ABCA4: variants seen among roughly 807,000 people sequenced by gnomAD.
The protein encoded by ABCA4 is retinal-specific phospholipid-transporting ATPase ABCA4.
In ABCA4, 196 loss-of-function variants were observed where a neutral mutation model predicts 263.7. The ratio of observed to expected loss-of-function variants is 0.74; its 90% confidence interval spans 0.66 to 0.84. The LOEUF is 0.84. Among genes scored for constraint, ABCA4 ranks in the 40% least tolerant of loss-of-function variants. The probability of loss-of-function intolerance (pLI) is 0.00; values close to 1 mark genes in which losing one functional copy is unlikely to be tolerated. For synonymous variants in ABCA4, 1,133 were observed against 1,094.2 expected (o/e 1.04, Z -0.70); for missense variants, 2,792 against 2,855.1 (o/e 0.98, Z 0.50).
intron 1 of ABCA4, among the ~76,000 whole-genome samples, chr1:94,117,276 C>T (rs1318181577): frequency 6.6e-6 from 1 of 152,132 alleles, no homozygotes. Context: ...TCCTTCTGCA[C>T]TGAGAACCAG....
At chr1:94,085,179 C>T (rs1661798370) in intron 6 of ABCA4, among the ~76,000 whole-genome samples, 1 of 152,008 alleles carries the variant, frequency 6.6e-6, no homozygotes, top group African/African-American at 2.4e-5. Flanking sequence ...GTTAGAGATA[C>T]AGAGGGAAGT....
At position 94,008,779 on chromosome 1, in the gene ABCA4, T is replaced by C. The variant is rs1030110768; in HGVS notation, c.5807A>G (p.Asp1936Gly). ...QRIITGGNKT[D>G]ILRLHELTKI... ...GGTTAGTTCATGTAGCCTTAAGATG[T>C]CAGTTTTATTTCCACCAGTAATAAT... Residue 1936 changes from aspartate to glycine, a missense_variant, in exon 41 of 50, where the codon GAC (aspartate) becomes GGC (glycine). By Grantham distance (94) the Asp-to-Gly change is moderately conservative. Coordinates refer to ENST00000370225, the MANE Select transcript of ABCA4 (RefSeq NM_000350.3). 3 of 1,613,922 alleles carry C rather than the reference T, an allele frequency of 1.9e-6. No homozygotes were observed. Among genetic ancestry groups the C allele is most frequent in the African/African-American group, 1.3e-5 (1 of 74,864 alleles).
At chr1:94,033,157 T>C (rs1047316581) in intron 26 of ABCA4, among the ~76,000 whole-genome samples, 7 of 152,158 alleles carry the variant, frequency 4.6e-5, no homozygotes, top group African/African-American at 1.7e-4. Context: ...TGGTGGCTCA[T>C]GCCTGTAATC....
intron 11 of ABCA4, among the ~76,000 whole-genome samples, chr1:94,072,669 T>C (rs1208122371): frequency 6.6e-6 from 1 of 152,222 alleles, no homozygotes; most frequent in Non-Finnish European, 1.5e-5. Context: ...TTTGCCTGTA[T>C]GAGGACCCAT....
chr1:94,080,330 TG>T, intron 8 of ABCA4, 147 bp downstream of exon 8: 2 of 1,111,074 alleles, frequency 1.8e-6, no homozygotes, highest in Non-Finnish European at 2.7e-6. Context: ...CAAGGGGAAG[TG>T]GACTTTCTGG....
At chr1:94,108,907 G>A (rs1195771254) in intron 3 of ABCA4, among the ~76,000 whole-genome samples, 191 bp from the exon 4 acceptor site, 1 of 151,952 alleles carries the variant, frequency 6.6e-6, no homozygotes, top group Non-Finnish European at 1.5e-5. Flanking sequence ...CGAGTAGCTG[G>A]GACTACAGGC....
chr1:93,997,862 T>C lies in ABCA4; in HGVS notation c.6728A>G (p.Gln2243Arg). ...CTCGGTGCCCCAGGGCCAACTTGCCTGGTCCAGTGTGGTCTGTGTGACTGA... is the reference window on the plus strand; with the variant it reads ...CTCGGTGCCCCAGGGCCAACTTGCCCGGTCCAGTGTGGTCTGTGTGACTGA... ...EYSVTQTTLD[Q>R]VFVNFAKQQT... The change falls in exon 48 of 50, where the codon CAG (glutamine) becomes CGG (arginine). Residue 2243 changes from glutamine to arginine, a missense_variant and splice_region_variant. Gln to Arg is a conservative substitution (Grantham distance 43). Transcript: ENST00000370225. 1.2e-6 allele frequency: 2 copies of C among 1,614,094 alleles called. No individual in the cohort carries two copies. Among genetic ancestry groups the C allele is most frequent in the Non-Finnish European group, 1.7e-6 (2 of 1,179,998 alleles).
In ABCA4 at chr1:94,083,413, T is replaced by A; in HGVS notation, c.797A>T (p.Gln266Leu). The change falls in exon 7 of 50, where the codon CAA becomes CTA. Residue 266 changes from glutamine to leucine, a missense_variant. Coordinates refer to ENST00000370225, the MANE Select transcript of ABCA4 (RefSeq NM_000350.3). ...TCCCCAAGATCTCAGATTGATACCTTGAGAACGGCTGTCTAGGAGTGTGGG... is the reference window on the plus strand; with the variant it reads ...TCCCCAAGATCTCAGATTGATACCTAGAGAACGGCTGTCTAGGAGTGTGGG... ...VLPTLLDSRS[Q>L]GINLRSWGGI... The A allele has an allele frequency of 6.2e-7, 1 of 1,613,812 alleles. No homozygotes were observed. The highest frequency in any genetic ancestry group is 8.5e-7 in the Non-Finnish European group (1 of 1,179,868).
At chr1:94,052,469 A>G (rs1660864915) in intron 16 of ABCA4, among the ~76,000 whole-genome samples, 1 of 152,116 alleles carries the variant, frequency 6.6e-6, no homozygotes, top group East Asian at 1.9e-4. Flanking sequence ...CTGGATCTTT[A>G]TCTCCACCGC....
intron 9 of ABCA4, among the ~76,000 whole-genome samples, 158 bp downstream of exon 9, chr1:94,079,164 G>A (rs1260129818): frequency 6.6e-6 from 1 of 152,156 alleles, no homozygotes; most frequent in Non-Finnish European, 1.5e-5. Context: ...GCATTCCAGT[G>A]ATGACTGTGG....
intron 34 of ABCA4, 45 bp from the exon 35 acceptor site, chr1:94,021,454 T>G: frequency 6.2e-7 from 1 of 1,612,860 alleles, no homozygotes; most frequent in Non-Finnish European, 8.5e-7. Flanking sequence ...TAACAGCTAG[T>G]TAAAGCAGAA....
In ABCA4 at chr1:94,047,077, A is replaced by G. The variant is rs777920063; in HGVS notation, c.2760T>C (p.Arg920=). The change falls in exon 19 of 50, where the codon CGT becomes CGC. Residue 920 remains arginine, a synonymous_variant. Transcript: ENST00000370225. ...CCCCAGGAACCCACCCTGGATGCTC[A>G]CGTTCAAAGAAGGAGTCTTGGAGGA... ...PEGIHDSFFE[R]EHPGWVPGVC... is the part of the protein sequence containing the mutation. 4.3e-6 allele frequency: 7 copies of G among 1,614,064 alleles called. No individual in the cohort carries two copies.
chr1:93,998,223 G>T, intron 47 of ABCA4, 113 bp from the exon 48 acceptor site: 2 of 1,431,338 alleles, frequency 1.4e-6, no homozygotes, highest in Non-Finnish European at 1.9e-6. Flanking sequence ...CAGCTTGGTG[G>T]CTCACACCTG....
rs369105023 is a variant in ABCA4, at chr1:94,108,600, C to G, written c.419G>C (p.Arg140Pro). 6.2e-7 allele frequency: 1 copy of G among 1,613,602 alleles called. No homozygotes were observed. Among genetic ancestry groups the G allele is most frequent in the Non-Finnish European group, 8.5e-7 (1 of 1,179,982 alleles). ...HILSQFMDTL[R>P]THPERIAGRG... is the part of the protein sequence containing the mutation. ...ACCTGCAATTCTCTCCGGGTGAGTC[C>G]GGAGGGTGTCCATGAATTGGGACAA... The change falls in exon 4 of 50, where the codon CGG becomes CCG. Residue 140 changes from arginine (R) to proline (P), a missense_variant. Arg to Pro is a moderately radical substitution (Grantham distance 103, BLOSUM62 -2). Transcript: ENST00000370225.
intron 11 of ABCA4, among the ~76,000 whole-genome samples, chr1:94,072,332 C>G (rs1476271260): frequency 6.6e-6 from 1 of 152,192 alleles, no homozygotes; most frequent in Non-Finnish European, 1.5e-5. Flanking sequence ...ATGCCTTGAT[C>G]AGAGGTATTT....
intron 6 of ABCA4, among the ~76,000 whole-genome samples, chr1:94,094,609 G>A (rs1256742831): frequency 6.6e-6 from 1 of 152,170 alleles, no homozygotes; most frequent in Non-Finnish European, 1.5e-5. Flanking sequence ...AGACTTCCCA[G>A]CAGCATGGCA....
rs145164262 is a variant in ABCA4, at chr1:94,099,458, G to C, written c.571-467C>G. Among the ~76,000 whole-genome samples, 524 of 152,334 alleles carry C rather than the reference G, an allele frequency of 3.4e-3. 2 individuals are homozygous for C. The highest frequency in any genetic ancestry group is 5.6e-3 in the Non-Finnish European group (380 of 68,032). ...CATCTGTGTTGTTTGAAGCCACTAA[G>C]TTTGTGGTAATTTATGACAGCAGCA... On this transcript the variant is annotated intron_variant, in intron 5 of 49. Coordinates refer to ENST00000370225, the MANE Select transcript of ABCA4 (RefSeq NM_000350.3).
Position 94,112,969 on chromosome 1 carries a change from T to C in ABCA4, c.160+4A>G, listed in dbSNP as rs909616101. 6.2e-7 allele frequency: 1 copy of C among 1,611,560 alleles called. No individual in the cohort carries two copies. Among genetic ancestry groups the C allele is most frequent in the Non-Finnish European group, 8.5e-7 (1 of 1,177,772 alleles). Reference sequence around the variant, plus strand: ...GCTTGCCCAAGCTACCCTGCTATGCTTACATTCATGATGGCTGTAGAGTGG... The same window carrying C: ...GCTTGCCCAAGCTACCCTGCTATGCCTACATTCATGATGGCTGTAGAGTGG... On this transcript the variant is annotated splice_donor_region_variant and intron_variant, in intron 2 of 49. Coordinates refer to ENST00000370225, the MANE Select transcript of ABCA4 (RefSeq NM_000350.3).
intron 4 of ABCA4, among the ~76,000 whole-genome samples, chr1:94,105,068 T>G (rs1045017980): frequency 1.3e-5 from 2 of 152,198 alleles, no homozygotes; most frequent in African/African-American, 4.8e-5. Context: ...TTGGGGGCTA[T>G]GGCTCCTGCT....
Sources: allele counts gnomAD v4.1 joint callset (sites outside exome capture counted in the v4.1 genomes callset), GRCh38; gene constraint gnomAD v4.1.1; transcripts MANE v1.5; gene names NCBI Gene and HGNC (gene_info 2026-07-23, HGNC 2026-07-21).